MAD1L1: variants seen among roughly 807,000 people sequenced by gnomAD.
MAD1L1 encodes the protein mitotic arrest deficient 1 like 1, also known as mitotic spindle assembly checkpoint protein MAD1.
Under a neutral mutation model 96.9 loss-of-function variants are expected in MAD1L1, and 95 were observed. The ratio of observed to expected loss-of-function variants is 0.98; its 90% CI spans 0.83 to 1.16. MAD1L1 has a LOEUF of 1.16. Among genes scored for constraint, MAD1L1 ranks in the 50% most tolerant of loss-of-function variants. The pLI is 0.00. For missense variants in MAD1L1, 1,007 were observed against 954.4 expected (o/e 1.06, Z -0.73); for synonymous variants, 473 against 396.6 (o/e 1.19, Z -2.29).
intron 16 of MAD1L1, among the ~76,000 whole-genome samples, chr7:1,954,521 C>A (rs1779639505): frequency 6.6e-6 from 1 of 152,132 alleles, no homozygotes; most frequent in Non-Finnish European, 1.5e-5. Context: ...AGGGGTGGGG[C>A]AGGAGGCCGT....
intron 11 of MAD1L1, among the ~76,000 whole-genome samples, chr7:2,085,785 A>T (rs1326675516): frequency 6.6e-6 from 1 of 152,192 alleles, no homozygotes; most frequent in African/African-American, 2.4e-5. Context: ...GAACGATGAC[A>T]CGAGTGTTCG....
At chr7:1,976,256 C>T (rs149048489) in intron 15 of MAD1L1, among the ~76,000 whole-genome samples, 2 of 152,296 alleles carry the variant, frequency 1.3e-5, no homozygotes, top group East Asian at 1.9e-4. Flanking sequence ...AGAATGAAAC[C>T]GTGGACCCTC....
intron 11 of MAD1L1, among the ~76,000 whole-genome samples, chr7:2,098,237 C>A (rs1786596513): frequency 6.6e-6 from 1 of 152,214 alleles, no homozygotes; most frequent in Non-Finnish European, 1.5e-5. Flanking sequence ...CGTCCTCTGC[C>A]AAAGCCCCGT....
At chr7:1,847,020 T>A (rs1483382837) in intron 18 of MAD1L1, 1 of 340,546 alleles carries the variant, frequency 2.9e-6, no homozygotes, top group East Asian at 8.2e-5. Flanking sequence ...CAAAGAGACA[T>A]TTCAAAACAT....
rs1260647832 is a variant in MAD1L1 at position 1,996,162 on chromosome 7, CGGGTCT to C, written c.1416+5897_1416+5902del. 1.1e-3 allele frequency among the ~76,000 whole-genome samples: 162 copies of C among 150,532 alleles called. 1 individual carries two copies. Among genetic ancestry groups the C allele is most frequent in the Non-Finnish European group, 1.4e-3 (96 of 67,576 alleles). On this transcript the variant is annotated intron_variant, in intron 14 of 18. Coordinates refer to ENST00000265854, the MANE Select transcript of MAD1L1 (RefSeq NM_001013836.2). The stretch of plus-strand genomic sequence containing the variant: ...CAGCTCCTGGGCATGCAGGGTCCCC[CGGGTCT>C]ACACACGGCTGCTGGGCGGGCAGGG...
intron 11 of MAD1L1, among the ~76,000 whole-genome samples, chr7:2,104,325 A>G (rs1786971841): frequency 6.6e-6 from 1 of 152,246 alleles, no homozygotes; most frequent in South Asian, 2.1e-4. Flanking sequence ...AAACACAGGA[A>G]GACAGCCCCC....
chr7:2,169,275 G>GATCCCCA (rs1790590767), intron 10 of MAD1L1, among the ~76,000 whole-genome samples: 3 of 152,154 alleles, frequency 2.0e-5, no homozygotes, highest in African/African-American at 7.2e-5. Context: ...CCTAAGAGCG[G>GATCCCCA]GTAGGGATGC....
intron 18 of MAD1L1, among the ~76,000 whole-genome samples, chr7:1,889,265 C>G (rs528001830): frequency 6.6e-6 from 1 of 152,242 alleles, no homozygotes; most frequent in African/African-American, 2.4e-5. Context: ...CGGGGGCTGA[C>G]TAGCAGTGAC....
chr7:2,172,188 T>C (rs1167301253), intron 10 of MAD1L1, among the ~76,000 whole-genome samples: 1 of 152,188 alleles, frequency 6.6e-6, no homozygotes, highest in East Asian at 1.9e-4. Context: ...GGAAAGGGCC[T>C]GGTGAGTGTT....
chr7:1,927,238 C>T lies in MAD1L1; in HGVS notation c.1807+9449G>A, dbSNP rs147506543. ...TGTGGATGAAAGAAAATAAGAAGAA[C>T]GTAAATAAATGGAGAGCTACATTGT... On this transcript the variant is annotated intron_variant, in intron 17 of 18. Transcript: ENST00000265854. 2.0e-5 allele frequency among the ~76,000 whole-genome samples: 3 copies of T among 152,274 alleles called. No individual in the cohort carries two copies. In the East Asian group the frequency reaches 5.8e-4, roughly 29 times the overall value.
intron 11 of MAD1L1, among the ~76,000 whole-genome samples, chr7:2,113,782 G>C (rs776561111): frequency 6.6e-6 from 1 of 152,144 alleles, no homozygotes; most frequent in Non-Finnish European, 1.5e-5. Context: ...TCCCTTTTAA[G>C]ATTTTCTGTC....
At chr7:1,983,152 G>A (rs55983619) in intron 14 of MAD1L1, among the ~76,000 whole-genome samples, 3,146 of 29,818 alleles carry the variant, frequency 0.11, 67 homozygotes, top group South Asian at 0.27. Flanking sequence ...GCGCGCGCGC[G>A]CGCACACACA....
chr7:2,060,038 G>A (rs545460250), intron 12 of MAD1L1, among the ~76,000 whole-genome samples: 5 of 152,228 alleles, frequency 3.3e-5, no homozygotes, highest in South Asian at 2.1e-4. Flanking sequence ...AAGATACGCC[G>A]ATGCCGAGAT....
chr7:1,902,370 C>T (rs920933571), intron 17 of MAD1L1, among the ~76,000 whole-genome samples: 2 of 152,190 alleles, frequency 1.3e-5, no homozygotes, highest in Admixed American at 1.3e-4. Flanking sequence ...AATGCTTCTA[C>T]CTTGGCAGGG....
chr7:2,050,960 C>T (rs767205034), intron 12 of MAD1L1, among the ~76,000 whole-genome samples: 1 of 152,240 alleles, frequency 6.6e-6, no homozygotes, highest in Non-Finnish European at 1.5e-5. Context: ...TGCCTTTGAG[C>T]ATGACCATCA....
At chr7:2,164,025 C>G (rs1480060058) in intron 10 of MAD1L1, among the ~76,000 whole-genome samples, 1 of 152,142 alleles carries the variant, frequency 6.6e-6, no homozygotes, top group Non-Finnish European at 1.5e-5. Flanking sequence ...TCTGAGCTCT[C>G]CAAACCTCAA....
intron 18 of MAD1L1, among the ~76,000 whole-genome samples, chr7:1,897,259 G>C (rs1175215515): frequency 5.3e-5 from 8 of 152,238 alleles, no homozygotes; most frequent in African/African-American, 1.2e-4. Context: ...AATCAAAGTT[G>C]GTTCTCGGTT....
intron 11 of MAD1L1, chr7:2,079,930 G>A (rs988310343): frequency 2.7e-6 from 1 of 366,770 alleles, no homozygotes; most frequent in Non-Finnish European, 5.4e-6. Flanking sequence ...CCGGTGCCTG[G>A]AGTGACGCAG....
chr7:1,951,341 G>A (rs28602921), intron 16 of MAD1L1, among the ~76,000 whole-genome samples: 6 of 152,240 alleles, frequency 3.9e-5, no homozygotes, highest in Admixed American at 2.6e-4. Context: ...GTGAGGGCAG[G>A]GTTGGAGTAG....
Sources: gnomAD v4.1 joint callset for allele counts (sites outside exome capture counted in the v4.1 genomes callset) on GRCh38, gnomAD v4.1.1 for gene constraint, MANE v1.5 for transcripts, NCBI Gene and HGNC (gene_info 2026-07-23, HGNC 2026-07-21) for gene names.